Variants in DNAH7 observed in about 807,000 individuals in gnomAD.
DNAH7 encodes axonemal beta dynein heavy chain 7.
A neutral mutation model predicts 444.6 loss-of-function variants in DNAH7; 397 were observed. The observed-to-expected ratio is 0.89, with a 90% CI of 0.82 to 0.97. The LOEUF (loss-of-function observed/expected upper bound fraction) is 0.97. DNAH7 is among the 50% of genes least tolerant of loss of function. The pLI is 0.00. For synonymous variants in DNAH7, 1,636 were observed against 1,624.4 expected, an observed-to-expected ratio of 1.01 and a Z score of -0.17; for missense variants, 4,902 against 4,800.8, an observed-to-expected ratio of 1.02 and a Z score of -0.62.
chr2:195,966,254 A>G (rs906192721), intron 17 of DNAH7, among the ~76,000 whole-genome samples: 1 of 152,120 alleles, frequency 6.6e-6, no homozygotes, highest in Non-Finnish European at 1.5e-5. Flanking sequence ...ATGTGTTTGT[A>G]TAGTTTCCAA....
chr2:195,827,858 T>C (rs1697853944), intron 48 of DNAH7, among the ~76,000 whole-genome samples: 1 of 152,170 alleles, frequency 6.6e-6, no homozygotes, highest in Non-Finnish European at 1.5e-5. Context: ...ATTACAGGAA[T>C]GAGCCACTGT....
intron 38 of DNAH7, among the ~76,000 whole-genome samples, chr2:195,874,174 C>T (rs915574430): frequency 1.3e-5 from 2 of 152,140 alleles, no homozygotes; most frequent in African/African-American, 2.4e-5. Flanking sequence ...CATCTTGAAG[C>T]GAATTTACCC....
intron 8 of DNAH7, among the ~76,000 whole-genome samples, chr2:196,022,785 C>A (rs748885416): frequency 5.9e-5 from 9 of 152,156 alleles, no homozygotes; most frequent in Non-Finnish European, 1.3e-4. Flanking sequence ...CTTAACGGCA[C>A]CTACAACAGT....
intron 51 of DNAH7, among the ~76,000 whole-genome samples, chr2:195,814,686 A>C (rs1697141176): frequency 6.6e-6 from 1 of 152,192 alleles, no homozygotes; most frequent in Non-Finnish European, 1.5e-5. Flanking sequence ...AAAGCAGAGC[A>C]TTATTTATTG....
Position 195,987,985 on chromosome 2 carries a change from A to T in DNAH7, c.1598T>A (p.Ile533Lys). Residue 533 changes from isoleucine (I) to lysine (K), a missense_variant, in exon 13 of 65, where the codon ATA becomes AAA. Physicochemically the swap from Ile to Lys is moderately radical, Grantham distance 102. Transcript: ENST00000312428. ...IDEICKYQKL[I>K]EEIQYTSIKT... ...TATGGATGTGTACTGTATTTCCTCT[A>T]TTAGTTTCTGGTATTTGCAAATTTC... The T allele has an allele frequency of 6.2e-7, 1 of 1,612,140 alleles. No individual in the cohort carries two copies. The highest frequency in any genetic ancestry group is 8.5e-7 in the Non-Finnish European group (1 of 1,179,006).
chr2:196,034,964 C>T (rs1346383799), intron 5 of DNAH7, among the ~76,000 whole-genome samples: 1 of 152,062 alleles, frequency 6.6e-6, no homozygotes, highest in Admixed American at 6.6e-5. Context: ...GTGGATCACC[C>T]GAGGTCAGGA....
chr2:195,960,124 C>T lies in DNAH7; in HGVS notation c.2891+136G>A. 4.1e-6 allele frequency: 3 copies of T among 738,690 alleles called. No homozygotes were observed. The South Asian group carries it at 6.9e-5, about 17-fold the overall frequency. 45.8% of individuals were successfully genotyped at this position (738,690 alleles called of 1,614,324 possible). ...AGTATGAAATGCTAAGTATGAAATGCAAAATCAATTCTCAAAAGAAATAAA... is the reference window on the plus strand; with the variant it reads ...AGTATGAAATGCTAAGTATGAAATGTAAAATCAATTCTCAAAAGAAATAAA... On this transcript the variant is annotated intron_variant, in intron 18 of 64. Transcript: ENST00000312428.
At position 195,778,229 on chromosome 2, in the gene DNAH7, G is replaced by A. The variant is rs1363431964; in HGVS notation, c.10879-244C>T. Reference sequence around the variant, plus strand: ...TCCTCTATTAAGTTGTGAATTTATTGTCTATTCAACCAAAATTATTTCAAC... The same window carrying A: ...TCCTCTATTAAGTTGTGAATTTATTATCTATTCAACCAAAATTATTTCAAC... On this transcript the variant is annotated intron_variant, in intron 58 of 64. Transcript: ENST00000312428. 1.3e-5 allele frequency among the ~76,000 whole-genome samples: 2 copies of A among 151,826 alleles called. 1 individual carries two copies. Among genetic ancestry groups the A allele is most frequent in the African/African-American group, 4.8e-5 (2 of 41,282 alleles).
chr2:195,783,049 T>C (rs970802036), intron 58 of DNAH7, among the ~76,000 whole-genome samples: 1 of 152,166 alleles, frequency 6.6e-6, no homozygotes, highest in South Asian at 2.1e-4. Flanking sequence ...GCCCATCTGC[T>C]CTATACCTAT....
rs1559380094 is a variant in DNAH7, at chr2:196,060,907, C to T, written c.16-2791G>A. 2.6e-5 allele frequency among the ~76,000 whole-genome samples: 4 copies of T among 152,254 alleles called. No homozygotes were observed. In the East Asian group the frequency reaches 5.8e-4, roughly 22 times the overall value. ...ATTATATATTTTATACTCTTCCTAACTCTGTGAACACTTAAACTTTTCATT... is the reference window on the plus strand; with the variant it reads ...ATTATATATTTTATACTCTTCCTAATTCTGTGAACACTTAAACTTTTCATT... On this transcript the variant is annotated intron_variant, in intron 1 of 64. Transcript: ENST00000312428.
At chr2:195,764,642 G>A (rs531833653) in intron 61 of DNAH7, among the ~76,000 whole-genome samples, 1 of 151,998 alleles carries the variant, frequency 6.6e-6, no homozygotes, top group South Asian at 2.1e-4. Context: ...ATTTACAATA[G>A]CTACAAAAAG....
At chr2:195,770,043 A>G (rs1694762745) in intron 61 of DNAH7, among the ~76,000 whole-genome samples, 1 of 152,198 alleles carries the variant, frequency 6.6e-6, no homozygotes, top group Admixed American at 6.5e-5. Context: ...CCAAACATTT[A>G]GGAGTTATCA....
In DNAH7 at chr2:196,030,873, G is replaced by C. The variant is rs183934601; in HGVS notation, c.399-2826C>G. On this transcript the variant is annotated intron_variant, in intron 5 of 64. Transcript: ENST00000312428. ...TTGGCTGCTTTCACAGACTGGTGTT[G>C]AGTGTCTGCGGCTTTTCCAGGCAAA... 3.5e-4 allele frequency among the ~76,000 whole-genome samples: 54 copies of C among 152,370 alleles called. No individual in the cohort carries two copies. The East Asian group carries it at 0.01, about 28-fold the overall frequency.
intron 45 of DNAH7, among the ~76,000 whole-genome samples, chr2:195,854,590 ATTC>A (rs1352311221): frequency 1.3e-5 from 2 of 151,980 alleles, no homozygotes; most frequent in Non-Finnish European, 2.9e-5. Context: ...TTCCTCACCT[ATTC>A]TTCTTTCAAC....
At chr2:195,785,557 T>C (rs913920113) in intron 58 of DNAH7, among the ~76,000 whole-genome samples, 3 of 151,306 alleles carry the variant, frequency 2.0e-5, no homozygotes, top group Non-Finnish European at 4.4e-5. Context: ...AAGTTGAGGA[T>C]GCTCCCCTCC....
At chr2:195,825,396 T>A (rs368057704) in intron 48 of DNAH7, among the ~76,000 whole-genome samples, 1 of 152,236 alleles carries the variant, frequency 6.6e-6, no homozygotes, top group Non-Finnish European at 1.5e-5. Context: ...GAATTTTGCA[T>A]GCTAATTATT....
At chr2:195,952,020 T>C (rs1216725677) in intron 19 of DNAH7, among the ~76,000 whole-genome samples, 4 of 152,200 alleles carry the variant, frequency 2.6e-5, no homozygotes, top group Non-Finnish European at 5.9e-5. Flanking sequence ...AGTTTCTTCA[T>C]AGTGTCAATG....
rs1256529604 is a variant in DNAH7 at position 196,019,351 on chromosome 2, CTG to C, written c.744-58_744-57del. On this transcript the variant is annotated intron_variant, in intron 8 of 64. Coordinates refer to ENST00000312428, the MANE Select transcript of DNAH7 (RefSeq NM_018897.3). ...CTCAAAAAAAGTATTTTTATAGTAA[CTG>C]TACATTTTGGGTAATAATTATTTAA... The C allele has an allele frequency of 9.6e-6, 13 of 1,349,784 alleles. No homozygotes were observed. The African/African-American group carries it at 1.6e-4, about 17-fold the overall frequency. The allele number at this position is 1,349,784 out of a possible 1,614,324, so 83.6% of individuals were successfully genotyped here.
chr2:195,799,454 C>A lies in DNAH7; in HGVS notation c.10195G>T (p.Glu3399Ter). The change falls in exon 55 of 65, where the codon GAA becomes TAA. Residue 3399 changes from glutamate to a stop codon, truncating the protein, a stop_gained. Transcript: ENST00000312428. LOFTEE classifies it high-confidence loss of function. The stretch of plus-strand genomic sequence containing the variant: ...CGTCCCAATCTGTTGATTATAAATT[C>A]CTGCAACATTGGAATAACCTAGAAA... ...RPDKVIPMLQ[E>*]FIINRLGRAF... The A allele has an allele frequency of 6.3e-7, 1 of 1,597,746 alleles. No individual in the cohort carries two copies. Among genetic ancestry groups the A allele is most frequent in the African/African-American group, 1.3e-5 (1 of 74,250 alleles).
Sources: gnomAD v4.1 joint callset for allele counts (sites outside exome capture counted in the v4.1 genomes callset) on GRCh38, gnomAD v4.1.1 for gene constraint, MANE v1.5 for transcripts, NCBI Gene and HGNC (gene_info 2026-07-23, HGNC 2026-07-21) for gene names.